The following ABCD2 variants were observed in gnomAD, a reference collection of about 807,000 sequenced individuals.
The protein encoded by ABCD2 is ATP binding cassette subfamily D member 2.
In ABCD2, 36 loss-of-function variants were observed where a neutral mutation model predicts 70.9. That is an observed-to-expected ratio of 0.51 (90% CI 0.39 to 0.67). ABCD2 has a LOEUF of 0.67. Among genes scored for constraint, ABCD2 ranks in the 30% least tolerant of loss-of-function variants. ABCD2 has a pLI of 0.00. For synonymous variants in ABCD2, 304 were observed against 306.9 expected, an observed-to-expected ratio of 0.99 and a Z score of 0.10; for missense variants, 729 against 890.2, an observed-to-expected ratio of 0.82 and a Z score of 2.30.
rs1405641865 is a variant in ABCD2, at chr12:39,573,749, G to A, written c.1970C>T (p.Ser657Phe). 4.3e-6 allele frequency: 7 copies of A among 1,613,188 alleles called. No homozygotes were observed. The highest frequency in any genetic ancestry group is 1.3e-5 in the African/African-American group (1 of 74,878). ...IFQAAKGAGI[S>F]LLSITHRPSL... is the part of the protein sequence containing the mutation. ...AGGTCTGTGTGTTATAGACAGTAAG[G>A]AAATTCCAGCCCCTTTTGCAGCCTG... Residue 657 changes from serine to phenylalanine, a missense_variant, in exon 9 of 10, where the codon TCC (serine) becomes TTC (phenylalanine). Coordinates refer to ENST00000308666, the MANE Select transcript of ABCD2 (RefSeq NM_005164.4).
downstream of ABCD2, among the ~76,000 whole-genome samples, chr12:39,548,921 C>T (rs1039625501): frequency 6.6e-6 from 1 of 151,814 alleles, no homozygotes; most frequent in Non-Finnish European, 1.5e-5. Context: ...AATTATGTAA[C>T]TTTAAATATT....
chr12:39,538,862 C>T, the ABCD2 span, among the ~76,000 whole-genome samples: 3 of 152,146 alleles, frequency 2.0e-5, no homozygotes, highest in Non-Finnish European at 4.4e-5. Flanking sequence ...ATCTGAAGAT[C>T]GAGAAAGACG....
the ABCD2 span, among the ~76,000 whole-genome samples, chr12:39,537,651 G>A: frequency 3.1e-4 from 47 of 152,278 alleles, no homozygotes; most frequent in South Asian, 5.4e-3. Flanking sequence ...AATGCTAGCT[G>A]AGTTATAAAC....
intron 6 of ABCD2, among the ~76,000 whole-genome samples, chr12:39,587,435 T>C (rs1050189285): frequency 6.6e-6 from 1 of 152,184 alleles, no homozygotes; most frequent in Non-Finnish European, 1.5e-5. Flanking sequence ...CCACTAGATG[T>C]CAGCAGCACC....
chr12:39,580,718 G>A (rs1466701442), intron 7 of ABCD2, among the ~76,000 whole-genome samples: 1 of 152,138 alleles, frequency 6.6e-6, no homozygotes, highest in East Asian at 1.9e-4. Context: ...GATACTTACA[G>A]CAAAATTTCT....
At chr12:39,569,408 C>A (rs1215444319) in intron 9 of ABCD2, among the ~76,000 whole-genome samples, 12 of 152,218 alleles carry the variant, frequency 7.9e-5, no homozygotes, top group Non-Finnish European at 1.6e-4. Flanking sequence ...GCTCCGTGGG[C>A]ATAGTACCCT....
rs1043570893 is a variant in ABCD2, at chr12:39,619,211, A to G, written c.405T>C (p.Ile135=). The change falls in exon 1 of 10, where the codon ATT becomes ATC. Residue 135 remains isoleucine, a synonymous_variant. Coordinates refer to ENST00000308666, the MANE Select transcript of ABCD2 (RefSeq NM_005164.4). ...TGAAAGTCCGAGGCTTCTTTTCCAC[A>G]ATGCTTTTCACGATTTTTCCATCCA... ...AGLDGKIVKS[I]VEKKPRTFII... The G allele has an allele frequency of 9.3e-6, 15 of 1,614,142 alleles. No homozygotes were observed. The highest frequency in any genetic ancestry group is 3.3e-5 in the Admixed American group (2 of 60,024).
the ABCD2 span, among the ~76,000 whole-genome samples, chr12:39,538,108 C>A: frequency 1.3e-5 from 2 of 151,966 alleles, no homozygotes; most frequent in East Asian, 1.9e-4. Flanking sequence ...TGTAATGGGG[C>A]TCTTGAGCCC....
chr12:39,557,110 C>G (rs1941179401), intron 9 of ABCD2, among the ~76,000 whole-genome samples: 1 of 152,080 alleles, frequency 6.6e-6, no homozygotes, highest in South Asian at 2.1e-4. Context: ...TTCCTAGGGA[C>G]TTATTGAATT....
At chr12:39,532,338 T>C in the ABCD2 span, among the ~76,000 whole-genome samples, 2 of 152,212 alleles carry the variant, frequency 1.3e-5, no homozygotes, top group Non-Finnish European at 2.9e-5. Flanking sequence ...CTTTAAAACG[T>C]GAAGCTGACA....
At chr12:39,588,021 G>T (rs983032081) in intron 6 of ABCD2, among the ~76,000 whole-genome samples, 1 of 152,138 alleles carries the variant, frequency 6.6e-6, no homozygotes, top group African/African-American at 2.4e-5. Flanking sequence ...GTATATTGTA[G>T]GATTGGTTAC....
At chr12:39,584,245 G>T (rs918321499) in intron 7 of ABCD2, among the ~76,000 whole-genome samples, 3 of 152,094 alleles carry the variant, frequency 2.0e-5, no homozygotes, top group African/African-American at 7.2e-5. Context: ...TTGTGGTTTT[G>T]ATGTGCATTT....
At chr12:39,580,838 A>T (rs925928522) in intron 7 of ABCD2, among the ~76,000 whole-genome samples, 1 of 152,176 alleles carries the variant, frequency 6.6e-6, no homozygotes, top group Admixed American at 6.5e-5. Flanking sequence ...TGAAATTTTT[A>T]CCACTAAATT....
the ABCD2 span, among the ~76,000 whole-genome samples, chr12:39,531,624 A>C: frequency 6.6e-6 from 1 of 152,228 alleles, no homozygotes; most frequent in Non-Finnish European, 1.5e-5. Flanking sequence ...TTACATTATA[A>C]AGAAAATTTT....
chr12:39,533,333 A>G, the ABCD2 span, among the ~76,000 whole-genome samples: 1 of 152,184 alleles, frequency 6.6e-6, no homozygotes. Context: ...TACTTTTACC[A>G]TTGAAAATAA....
downstream of ABCD2, among the ~76,000 whole-genome samples, chr12:39,548,339 T>C (rs1941046325): frequency 1.3e-5 from 2 of 152,084 alleles, no homozygotes; most frequent in South Asian, 4.1e-4. Flanking sequence ...ACTATGTGTT[T>C]ATCAAAATGT....
chr12:39,567,934 A>G (rs985041198), intron 9 of ABCD2, among the ~76,000 whole-genome samples: 7 of 151,956 alleles, frequency 4.6e-5, no homozygotes, highest in Non-Finnish European at 5.9e-5. Flanking sequence ...TCTTTTCTTT[A>G]AGAATGTTGA....
At chr12:39,548,911 A>G (rs933641898), downstream of ABCD2, among the ~76,000 whole-genome samples, 9 of 151,974 alleles carry the variant, frequency 5.9e-5, no homozygotes, top group Non-Finnish European at 1.2e-4. Context: ...TACTGAGACA[A>G]ATTATGTAAC....
intron 6 of ABCD2, among the ~76,000 whole-genome samples, chr12:39,599,035 T>C (rs963921378): frequency 1.4e-4 from 21 of 152,192 alleles, no homozygotes; most frequent in Non-Finnish European, 4.4e-5. Context: ...AATAGAGTTC[T>C]CATTGTTATT....
Sources: gnomAD v4.1 joint callset for allele counts (sites outside exome capture counted in the v4.1 genomes callset) on GRCh38, gnomAD v4.1.1 for gene constraint, MANE v1.5 for transcripts, NCBI Gene and HGNC (gene_info 2026-07-23, HGNC 2026-07-21) for gene names.